Variants in B3GALT1 observed in about 807,000 individuals in gnomAD.
B3GALT1 encodes the protein beta-1,3-galactosyltransferase 1.
Under a neutral mutation model 23.2 loss-of-function variants are expected in B3GALT1, and 10 were observed. The observed-to-expected ratio is 0.43, with a 90% CI of 0.27 to 0.73. The LOEUF is 0.73. Ranked by LOEUF, B3GALT1 falls within the 30% of genes least tolerant of loss-of-function variation. The pLI is 0.21. For missense variants in B3GALT1, 299 were observed against 405.4 expected, an observed-to-expected ratio of 0.74 and a Z score of 2.25; for synonymous variants, 156 against 141.5, an observed-to-expected ratio of 1.10 and a Z score of -0.73.
chr2:167,350,297 C>A (rs1483747505), intron 1 of B3GALT1, among the ~76,000 whole-genome samples: 1 of 152,144 alleles, frequency 6.6e-6, no homozygotes, highest in Non-Finnish European at 1.5e-5. Flanking sequence ...AGCCTGCCTA[C>A]CCTGTGTGTT....
intron 1 of B3GALT1, among the ~76,000 whole-genome samples, chr2:167,327,932 G>A (rs548896896): frequency 2.6e-5 from 4 of 152,150 alleles, no homozygotes; most frequent in South Asian, 2.1e-4. Flanking sequence ...TTATCATGAC[G>A]TGATGTTAAA....
intron 2 of B3GALT1, among the ~76,000 whole-genome samples, chr2:167,619,870 G>C (rs1200265364): frequency 6.6e-6 from 1 of 152,014 alleles, no homozygotes; most frequent in African/African-American, 2.4e-5. Context: ...GTTAGGAATA[G>C]GTATGCACTG....
chr2:167,457,447 A>G (rs1259412550), intron 1 of B3GALT1, among the ~76,000 whole-genome samples: 2 of 151,946 alleles, frequency 1.3e-5, no homozygotes, highest in Non-Finnish European at 2.9e-5. Flanking sequence ...TGCCGGGATT[A>G]TAGACGTGAG....
intron 3 of B3GALT1, among the ~76,000 whole-genome samples, chr2:167,670,826 A>G (rs1686312879): frequency 6.6e-6 from 1 of 152,204 alleles, no homozygotes; most frequent in Admixed American, 6.5e-5. Context: ...GTGAACTCAA[A>G]GACAAGTCAC....
chr2:167,859,676 A>C (rs1690062970), intron 4 of B3GALT1, among the ~76,000 whole-genome samples: 1 of 152,218 alleles, frequency 6.6e-6, no homozygotes, highest in South Asian at 2.1e-4. Flanking sequence ...AGTCATGATG[A>C]ATATTACCTC....
chr2:167,389,039 C>T (rs537849933), intron 1 of B3GALT1, among the ~76,000 whole-genome samples: 1 of 152,068 alleles, frequency 6.6e-6, no homozygotes, highest in Non-Finnish European at 1.5e-5. Flanking sequence ...CTGGGAGAGA[C>T]ATTTCCAAGA....
At chr2:167,454,339 G>A (rs576512638) in intron 1 of B3GALT1, among the ~76,000 whole-genome samples, 1 of 152,328 alleles carries the variant, frequency 6.6e-6, no homozygotes, top group African/African-American at 2.4e-5. Context: ...AGAAGCCATA[G>A]TATATAGCAG....
chr2:167,452,655 G>A (rs1320744175), intron 1 of B3GALT1, among the ~76,000 whole-genome samples: 2 of 152,162 alleles, frequency 1.3e-5, no homozygotes, highest in African/African-American at 2.4e-5. Context: ...AGTACACGAT[G>A]TGAGTCTCCA....
intron 4 of B3GALT1, among the ~76,000 whole-genome samples, chr2:167,866,617 AAGG>A (rs1211707934): frequency 6.6e-6 from 1 of 152,194 alleles, no homozygotes; most frequent in African/African-American, 2.4e-5. Flanking sequence ...GAACAATAAA[AAGG>A]AGATCAAAAT....
intron 3 of B3GALT1, among the ~76,000 whole-genome samples, chr2:167,808,212 G>C (rs1422465249): frequency 6.6e-6 from 1 of 150,632 alleles, no homozygotes; most frequent in African/African-American, 2.5e-5. Flanking sequence ...ACGTGAGATG[G>C]GTTTCCTGAA....
intron 1 of B3GALT1, among the ~76,000 whole-genome samples, chr2:167,408,045 C>T (rs1387635217): frequency 6.6e-6 from 1 of 150,434 alleles, no homozygotes; most frequent in Admixed American, 6.6e-5. Flanking sequence ...CACACACACA[C>T]ACACACACAC....
At chr2:167,344,126 G>A (rs1226576288) in intron 1 of B3GALT1, among the ~76,000 whole-genome samples, 1 of 152,082 alleles carries the variant, frequency 6.6e-6, no homozygotes, top group African/African-American at 2.4e-5. Flanking sequence ...TGATTAATAA[G>A]TAAATACAAT....
chr2:167,857,521 C>T (rs995387393), intron 4 of B3GALT1, among the ~76,000 whole-genome samples: 1 of 151,916 alleles, frequency 6.6e-6, no homozygotes, highest in Non-Finnish European at 1.5e-5. Context: ...AAATAGAAAT[C>T]TCAAGCATAA....
chr2:167,826,844 A>G (rs949437955), intron 4 of B3GALT1, among the ~76,000 whole-genome samples: 1 of 152,242 alleles, frequency 6.6e-6, no homozygotes, highest in African/African-American at 2.4e-5. Flanking sequence ...ATTATAACTA[A>G]TCTAGAGATG....
chr2:167,818,678 G>C lies in B3GALT1; in HGVS notation c.-345G>C, dbSNP rs836722. Among the ~76,000 whole-genome samples, 1 of 151,694 alleles carries C rather than the reference G, an allele frequency of 6.6e-6. No individual in the cohort carries two copies. The highest frequency in any genetic ancestry group is 1.5e-5 in the Non-Finnish European group (1 of 67,952). ...CTTCTTGGTGTCCACTTAGGGCTAC[G>C]CAGCTTGCTCCTGGCACGGGCACCT... On this transcript the variant is annotated 5_prime_UTR_variant, in exon 4 of 5. Coordinates refer to ENST00000392690, the MANE Select transcript of B3GALT1 (RefSeq NM_020981.4).
intron 3 of B3GALT1, among the ~76,000 whole-genome samples, chr2:167,727,448 T>C (rs1460525958): frequency 6.6e-6 from 1 of 152,098 alleles, no homozygotes; most frequent in Non-Finnish European, 1.5e-5. Context: ...ACCTTTGGGG[T>C]GTCGGGCACT....
chr2:167,307,495 C>T (rs1235847357), intron 1 of B3GALT1, among the ~76,000 whole-genome samples: 3 of 151,880 alleles, frequency 2.0e-5, no homozygotes, highest in Admixed American at 1.3e-4. Context: ...TTGGATTTCT[C>T]AGTAATAAAG....
chr2:167,549,359 C>A (rs1196095916), intron 2 of B3GALT1, among the ~76,000 whole-genome samples: 10 of 152,138 alleles, frequency 6.6e-5, no homozygotes, highest in Non-Finnish European at 1.2e-4. Flanking sequence ...CAAACCCTGG[C>A]CTGCAGAACA....
chr2:167,298,574 A>G (rs1696393159), intron 1 of B3GALT1, among the ~76,000 whole-genome samples: 1 of 152,138 alleles, frequency 6.6e-6, no homozygotes, highest in Non-Finnish European at 1.5e-5. Flanking sequence ...TCTATAGCAT[A>G]CAGATGTATA....
Sources: gnomAD v4.1 joint callset for allele counts (sites outside exome capture counted in the v4.1 genomes callset) on GRCh38, gnomAD v4.1.1 for gene constraint, MANE v1.5 for transcripts, NCBI Gene and HGNC (gene_info 2026-07-23, HGNC 2026-07-21) for gene names.